The following JPT1 variants were observed in gnomAD, a reference collection of about 807,000 sequenced individuals.
JPT1 encodes the protein Jupiter microtubule associated homolog 1, also known as androgen-regulated protein 2.
Under a neutral mutation model 17.0 loss-of-function variants are expected in JPT1, and 5 were observed. The observed-to-expected ratio is 0.29, with a 90% CI of 0.15 to 0.62. The LOEUF is 0.62. JPT1 is among the 20% of genes least tolerant of loss of function. The pLI is 0.85. For missense variants in JPT1, 158 were observed against 188.1 expected (o/e 0.84, Z 0.94); for synonymous variants, 71 against 73.6 (o/e 0.96, Z 0.18).
In JPT1 at chr17:75,146,925, C is replaced by T. The variant is rs906374771; in HGVS notation, c.298-241G>A. 9 of 468,616 alleles carry T rather than the reference C, an allele frequency of 1.9e-5. No homozygotes were observed. In the Admixed American group the frequency reaches 3.5e-4, roughly 18 times the overall value. 29.0% of individuals were successfully genotyped at this position (468,616 alleles called of 1,614,324 possible). A position where few individuals can be genotyped will look rare whatever the true frequency, so the allele number is the denominator to read the frequency against. On this transcript the variant is annotated intron_variant, in intron 3 of 4. Transcript: ENST00000409753. ...TCTACAACAAACCCCAACATTTCCT[C>T]TGAGGACCTAACACCAATTAGCACT...
chr17:75,137,263 C>A (rs2074215822), intron 4 of JPT1, among the ~76,000 whole-genome samples: 1 of 151,718 alleles, frequency 6.6e-6, no homozygotes, highest in African/African-American at 2.4e-5. Flanking sequence ...TGCAAAAATT[C>A]TATATTTTCT....
intron 4 of JPT1, among the ~76,000 whole-genome samples, chr17:75,137,457 A>G (rs997892328): frequency 6.6e-6 from 1 of 151,826 alleles, no homozygotes; most frequent in African/African-American, 2.4e-5. Context: ...CCTGGGCTCA[A>G]GCAATCCTCC....
In JPT1 at chr17:75,147,590, G is replaced by A; in HGVS notation, c.263C>T (p.Ser88Phe). The A allele has an allele frequency of 6.2e-7, 1 of 1,614,036 alleles. No individual in the cohort carries two copies. The highest frequency in any genetic ancestry group is 1.3e-5 in the African/African-American group (1 of 75,038). The change falls in exon 3 of 5, where the codon TCT becomes TTT. Residue 88 changes from serine to phenylalanine, a missense_variant. Transcript: ENST00000409753. Reference sequence around the variant, plus strand: ...TAAGAAGTCTCCGGAGCTTGCTTCAGAGGAGTTCCTTCTCTGCAGTCCAGA... The same window carrying A: ...TAAGAAGTCTCCGGAGCTTGCTTCAAAGGAGTTCCTTCTCTGCAGTCCAGA... ...ESSGLQRRNSSEASSGDFLDL... is the reference protein window; with the variant it reads ...ESSGLQRRNSFEASSGDFLDL...
intron 4 of JPT1, among the ~76,000 whole-genome samples, chr17:75,137,668 C>T (rs2074229605): frequency 6.7e-6 from 1 of 148,496 alleles, no homozygotes; most frequent in South Asian, 2.1e-4. Flanking sequence ...CTTCACCCTT[C>T]ACACAGCCTA....
At chr17:75,154,265 C>G (rs866228898) in intron 1 of JPT1, 77 bp downstream of exon 1, 1 of 1,208,298 alleles carries the variant, frequency 8.3e-7, no homozygotes, top group Non-Finnish European at 1.1e-6. Context: ...CCGCAACGAC[C>G]GGCGCGAGGC....
Position 75,154,351 on chromosome 17 carries a change from T to C in JPT1, c.47A>G (p.Asn16Ser). The change falls in exon 1 of 5, where the codon AAT becomes AGT. Residue 16 changes from asparagine to serine, a missense_variant. Physicochemically the swap from Asn to Ser is conservative, Grantham distance 46 (BLOSUM62 1). Coordinates refer to ENST00000409753, the MANE Select transcript of JPT1 (RefSeq NM_016185.4). ...TFKGVDPNSR[N>S]SSRVLRPPGG... Reference sequence around the variant, plus strand: ...GACCCGGTCGCCTCACCGGGAGCTATTCCTGCTGTTGGGGTCGACTCCCTT... The same window carrying C: ...GACCCGGTCGCCTCACCGGGAGCTACTCCTGCTGTTGGGGTCGACTCCCTT... The C allele has an allele frequency of 6.5e-7, 1 of 1,547,788 alleles. No individual in the cohort carries two copies. The highest frequency in any genetic ancestry group is 8.7e-7 in the Non-Finnish European group (1 of 1,145,704).
intron 4 of JPT1, among the ~76,000 whole-genome samples, chr17:75,141,517 G>C (rs2074307483): frequency 6.6e-6 from 1 of 151,736 alleles, no homozygotes. Flanking sequence ...GCTAGGCATG[G>C]TGGTGCATGC....
chr17:75,136,172 G>T lies in JPT1; in HGVS notation c.395C>A (p.Pro132Gln). Reference sequence around the variant, plus strand: ...GGATGGCACTGGGGCCGGGGCCACCGGGCTGGGCACAGGCGCAGCAGGCAC... The same window carrying T: ...GGATGGCACTGGGGCCGGGGCCACCTGGCTGGGCACAGGCGCAGCAGGCAC... ...KPVPAAPVPS[P>Q]VAPAPVPSRR... Residue 132 changes from proline to glutamine, a missense_variant, in exon 5 of 5, where the codon CCG (proline) becomes CAG (glutamine). By Grantham distance (76) the Pro-to-Gln change is moderately conservative (BLOSUM62 -1). Transcript: ENST00000409753. 6.2e-7 allele frequency: 1 copy of T among 1,614,154 alleles called. No homozygotes were observed. Among genetic ancestry groups the T allele is most frequent in the Non-Finnish European group, 8.5e-7 (1 of 1,180,024 alleles).
intron 3 of JPT1, 183 bp downstream of exon 3, chr17:75,147,373 C>T: frequency 1.8e-6 from 1 of 545,780 alleles, no homozygotes; most frequent in East Asian, 2.8e-5. Flanking sequence ...GATACAGAAA[C>T]AGACTGAGAC....
chr17:75,151,627 C>T (rs1438102450), intron 1 of JPT1, among the ~76,000 whole-genome samples: 1 of 151,790 alleles, frequency 6.6e-6, no homozygotes, highest in East Asian at 1.9e-4. Context: ...CATGCCACTG[C>T]ACTCCAGCCT....
At chr17:75,143,698 T>C (rs2074370287) in intron 4 of JPT1, among the ~76,000 whole-genome samples, 1 of 151,716 alleles carries the variant, frequency 6.6e-6, no homozygotes, top group Non-Finnish European at 1.5e-5. Context: ...TACCTGGGCA[T>C]GGTGGTGCAT....
At chr17:75,142,793 T>C in intron 4 of JPT1, 1 of 456,184 alleles carries the variant, frequency 2.2e-6, no homozygotes, top group South Asian at 1.5e-5. Flanking sequence ...ACAGTACAAA[T>C]AGAACACAAA....
chr17:75,146,317 T>A (rs569882821), intron 4 of JPT1: 1 of 198,944 alleles, frequency 5.0e-6, no homozygotes, highest in East Asian at 1.4e-4. Context: ...CATGCTAGGC[T>A]AATTTTTGTA....
At chr17:75,145,253 G>A (rs1360541980) in intron 4 of JPT1, 1 of 151,348 alleles carries the variant, frequency 6.6e-6, no homozygotes, top group Non-Finnish European at 1.5e-5. Flanking sequence ...ACCTTTCCGT[G>A]TGTCCTTGTA....
At chr17:75,140,425 A>C (rs1372331852) in intron 4 of JPT1, among the ~76,000 whole-genome samples, 1 of 152,180 alleles carries the variant, frequency 6.6e-6, no homozygotes, top group Non-Finnish European at 1.5e-5. Flanking sequence ...AGCATCAAAG[A>C]ATCAGAACTG....
chr17:75,154,393 G>A lies in JPT1; in HGVS notation c.5C>T (p.Thr2Ile), dbSNP rs1436868819. ...GACTCCCTTGAAGGTGGTGGTTGTG[G>A]TCATGGCGCCGAGGAGCGAGGTAGG... Reference protein sequence around the residue: MTTTTTFKGVDP... With the variant: MITTTTFKGVDP... The change falls in exon 1 of 5, where the codon ACC becomes ATC. Residue 2 changes from threonine (T) to isoleucine (I), a missense_variant. By Grantham distance (89) the Thr-to-Ile change is moderately conservative (BLOSUM62 -1). Transcript: ENST00000409753. 1 of 1,548,872 alleles carries A rather than the reference G, an allele frequency of 6.5e-7. No individual in the cohort carries two copies. The highest frequency in any genetic ancestry group is 8.7e-7 in the Non-Finnish European group (1 of 1,145,972).
At position 75,147,883 on chromosome 17, in the gene JPT1, TAG is replaced by T. The variant is rs2074470616; in HGVS notation, c.200-232_200-231del. The T allele has an allele frequency of 6.1e-5, 28 of 455,442 alleles. No individual in the cohort carries two copies. The South Asian group carries it at 7.2e-4, about 12-fold the overall frequency. 28.2% of individuals were successfully genotyped at this position (455,442 alleles called of 1,614,324 possible). On this transcript the variant is annotated intron_variant, in intron 2 of 4. Transcript: ENST00000409753. Reference sequence around the variant, plus strand: ...ACGTCATGGTGCATGCTTGTAATCCTAGCTACTCGGGAGGCTGAGGCAGAAGA... The same window carrying T: ...ACGTCATGGTGCATGCTTGTAATCCTCTACTCGGGAGGCTGAGGCAGAAGA...
At chr17:75,151,408 A>T (rs71380875) in intron 1 of JPT1, among the ~76,000 whole-genome samples, 2 of 151,860 alleles carry the variant, frequency 1.3e-5, no homozygotes, top group Non-Finnish European at 2.9e-5. Flanking sequence ...CTGTAATCCT[A>T]GCACTTTGAG....
rs1231266514 is a variant in JPT1, at chr17:75,135,379, A to G, written c.*723T>C. ...CACACAGCATCAGGTTATTTAAAAC[A>G]ACACGCCTGTGGGACCCCGTTCCTG... On this transcript the variant is annotated 3_prime_UTR_variant, in exon 5 of 5. Coordinates refer to ENST00000409753, the MANE Select transcript of JPT1 (RefSeq NM_016185.4). The G allele has an allele frequency of 6.6e-6, 1 of 152,534 alleles. No individual in the cohort carries two copies. The highest frequency in any genetic ancestry group is 1.5e-5 in the Non-Finnish European group (1 of 68,092). 9.4% of individuals were successfully genotyped at this position (152,534 alleles called of 1,614,324 possible).
Sources: gnomAD v4.1 joint callset for allele counts (sites outside exome capture counted in the v4.1 genomes callset) on GRCh38, gnomAD v4.1.1 for gene constraint, MANE v1.5 for transcripts, NCBI Gene and HGNC (gene_info 2026-07-23, HGNC 2026-07-21) for gene names.